Variants in CACNA1E observed in about 807,000 individuals in gnomAD.
CACNA1E encodes the protein calcium voltage-gated channel subunit alpha1 E.
In CACNA1E, 40 loss-of-function variants were observed where a neutral mutation model predicts 259.2. That is an observed-to-expected ratio of 0.15 (90% confidence interval 0.12 to 0.20). The LOEUF is 0.20. Ranked by LOEUF, CACNA1E falls within the 10% of genes least tolerant of loss-of-function variation. The pLI is 1.00. For missense variants in CACNA1E, 1,874 were observed against 3,040.1 expected, an observed-to-expected ratio of 0.62 and a Z score of 9.02; for synonymous variants, 1,104 against 1,138.5, an observed-to-expected ratio of 0.97 and a Z score of 0.61.
intron 38 of CACNA1E, among the ~76,000 whole-genome samples, chr1:181,779,001 GTAAC>G (rs1269260573): frequency 6.6e-6 from 1 of 152,252 alleles, no homozygotes; most frequent in Admixed American, 6.5e-5. Context: ...GTGGGTCTGA[GTAAC>G]TGACTGTAAT....
chr1:181,379,172 G>A (rs1335235913), intron 1 of CACNA1E, among the ~76,000 whole-genome samples: 1 of 152,050 alleles, frequency 6.6e-6, no homozygotes, highest in Non-Finnish European at 1.5e-5. Flanking sequence ...TGCAAAGTAA[G>A]ACAAAGGAAA....
intron 12 of CACNA1E, among the ~76,000 whole-genome samples, chr1:181,718,611 AACACACACACACACACAC>A (rs60522141): frequency 2.5e-3 from 316 of 124,310 alleles, no homozygotes; most frequent in African/African-American, 8.5e-3. Context: ...CCCTCATTCA[AACACACACACACACACAC>A]ACACACACAC....
chr1:181,562,756 T>C (rs145855062), intron 3 of CACNA1E, among the ~76,000 whole-genome samples: 77 of 152,342 alleles, frequency 5.1e-4, no homozygotes, highest in Non-Finnish European at 9.4e-4. Context: ...AAGTGTTCTT[T>C]TAAATTCCTC....
chr1:181,464,872 G>A (rs534770229), intron 2 of CACNA1E, among the ~76,000 whole-genome samples: 3 of 152,006 alleles, frequency 2.0e-5, no homozygotes, highest in African/African-American at 4.8e-5. Context: ...CCCACTTTAC[G>A]TGGCATTGTT....
At chr1:181,744,314 C>T (rs1468335376) in intron 25 of CACNA1E, among the ~76,000 whole-genome samples, 1 of 152,142 alleles carries the variant, frequency 6.6e-6, no homozygotes, top group Non-Finnish European at 1.5e-5. Context: ...CCTAAGGAGC[C>T]ACATAATATG....
At chr1:181,789,020 A>G (rs576580083) in intron 43 of CACNA1E, among the ~76,000 whole-genome samples, 1 of 100,218 alleles carries the variant, frequency 1.0e-5, no homozygotes, top group South Asian at 4.0e-4. Context: ...GGCACGTGCT[A>G]TCACTGCTGG....
rs182725637 is a variant in CACNA1E at position 181,665,127 on chromosome 1, A to G, written c.1055+13686A>G. ...ACTTAGTATAGGTAAATCTTCTAAC[A>G]CTCTGATACCTGTATACCTATATAC... is the stretch of plus-strand genomic sequence containing the variant. On this transcript the variant is annotated intron_variant, in intron 7 of 47. Transcript: ENST00000367573. Among the ~76,000 whole-genome samples the G allele has an allele frequency of 5.3e-4, 80 of 151,540 alleles. 1 individual carries two copies. The highest frequency in any genetic ancestry group is 2.4e-4 in the Non-Finnish European group (16 of 67,878).
chr1:181,595,536 C>A (rs1653072616), intron 6 of CACNA1E, among the ~76,000 whole-genome samples: 1 of 152,198 alleles, frequency 6.6e-6, no homozygotes, highest in South Asian at 2.1e-4. Context: ...TCTCCACCAT[C>A]CTCCCCTTCC....
At position 181,801,903 on chromosome 1, in the gene CACNA1E, G is replaced by A. The variant is rs545484361; in HGVS notation, c.*3069G>A. 2.4e-4 allele frequency: 36 copies of A among 152,366 alleles called. No homozygotes were observed. The highest frequency in any genetic ancestry group is 8.7e-4 in the African/African-American group (36 of 41,568). The allele number at this position is 152,366 out of a possible 1,614,324, so 9.4% of individuals were successfully genotyped here. A position where few individuals can be genotyped will look rare whatever the true frequency, so the allele number is the denominator to read the frequency against. ...AAACAAGAGCAAAGCCAAGATAGAG[G>A]AAGGTAAAAGGAGGAGGAAAGGAAA... On this transcript the variant is annotated 3_prime_UTR_variant, in exon 48 of 48. Transcript: ENST00000367573.
At position 181,790,469 on chromosome 1, in the gene CACNA1E, G is replaced by C; in HGVS notation, c.5811G>C (p.Ser1937=). Residue 1937 remains serine, a synonymous_variant, in exon 44 of 48, where the codon TCG becomes TCC. Coordinates refer to ENST00000367573, the MANE Select transcript of CACNA1E (RefSeq NM_001205293.3). ...SGLSGRSGYP[S]MSPLSPQDIF... is the part of the protein sequence containing the mutation. ...GGAGTGGCCGGAGTGGATACCCTTC[G>C]ATGAGTCCACTCTCTCCCCAGGATA... 6 of 1,612,264 alleles carry C rather than the reference G, an allele frequency of 3.7e-6. No homozygotes were observed. The highest frequency in any genetic ancestry group is 5.1e-6 in the Non-Finnish European group (6 of 1,178,452).
intron 7 of CACNA1E, among the ~76,000 whole-genome samples, chr1:181,654,210 A>C (rs1280605239): frequency 6.7e-6 from 1 of 150,218 alleles, no homozygotes; most frequent in Non-Finnish European, 1.5e-5. Context: ...TAAAATGTAC[A>C]TTCATTTTAC....
intron 13 of CACNA1E, 139 bp downstream of exon 13, chr1:181,720,002 G>A: frequency 1.3e-6 from 1 of 765,596 alleles, no homozygotes; most frequent in Admixed American, 2.9e-5. Context: ...CTATTCTTTA[G>A]CTCTTCCTTT....
At chr1:181,494,385 C>CT (rs905218977) in intron 1 of CACNA1E, among the ~76,000 whole-genome samples, 21 of 147,612 alleles carry the variant, frequency 1.4e-4, no homozygotes, top group East Asian at 8.1e-4. Context: ...ATCTCTGAAT[C>CT]TTTTTTTTTA....
chr1:181,403,123 G>T (rs1657221733), intron 1 of CACNA1E, among the ~76,000 whole-genome samples: 2 of 152,238 alleles, frequency 1.3e-5, no homozygotes, highest in South Asian at 4.2e-4. Context: ...TTTAATGACT[G>T]TGTGATCCTA....
chr1:181,660,426 G>A (rs912692874), intron 7 of CACNA1E, among the ~76,000 whole-genome samples: 1 of 152,208 alleles, frequency 6.6e-6, no homozygotes. Flanking sequence ...AGTCCAGAAG[G>A]CTAGTCCCTC....
chr1:181,598,901 T>C (rs1653462841), intron 6 of CACNA1E, among the ~76,000 whole-genome samples: 1 of 152,154 alleles, frequency 6.6e-6, no homozygotes, highest in South Asian at 2.1e-4. Context: ...TCTTTCCTGC[T>C]TCCTGGCTGT....
chr1:181,370,494 A>G (rs1384862372), intron 1 of CACNA1E, among the ~76,000 whole-genome samples: 3 of 152,006 alleles, frequency 2.0e-5, no homozygotes, highest in African/African-American at 4.8e-5. Flanking sequence ...TGTGTACTCA[A>G]TGTTTGGCTC....
chr1:181,681,725 A>G (rs1649991918), intron 7 of CACNA1E, among the ~76,000 whole-genome samples: 1 of 152,182 alleles, frequency 6.6e-6, no homozygotes, highest in African/African-American at 2.4e-5. Flanking sequence ...CTGGTCTACC[A>G]CCTACCAGCT....
At chr1:181,657,745 G>C (rs907538128) in intron 7 of CACNA1E, among the ~76,000 whole-genome samples, 2 of 152,192 alleles carry the variant, frequency 1.3e-5, no homozygotes, top group Non-Finnish European at 2.9e-5. Context: ...GTGGTACTAA[G>C]AGCCTGTGGT....
Sources: gnomAD v4.1 joint callset for allele counts (sites outside exome capture counted in the v4.1 genomes callset) on GRCh38, gnomAD v4.1.1 for gene constraint, MANE v1.5 for transcripts, NCBI Gene and HGNC (gene_info 2026-07-23, HGNC 2026-07-21) for gene names.